The following SCAF1 variants were observed in gnomAD, a reference collection of about 807,000 sequenced individuals.
The protein encoded by SCAF1 is SR-related CTD associated factor 1, also known as splicing factor, arginine/serine-rich 19.
In SCAF1, 28 loss-of-function variants were observed where a neutral mutation model predicts 91.2. That is an observed-to-expected ratio of 0.31 (90% CI 0.23 to 0.42). The LOEUF is 0.42. SCAF1 is among the 10% of genes least tolerant of loss of function. The pLI, the probability that SCAF1 is intolerant of heterozygous loss-of-function variation, is 1.00. For missense variants in SCAF1, 1,893 were observed against 1,872.1 expected, an observed-to-expected ratio of 1.01 and a Z score of -0.21; for synonymous variants, 1,036 against 833.7, an observed-to-expected ratio of 1.24 and a Z score of -4.18.
chr19:49,653,276 TC>T lies in SCAF1; in HGVS notation c.2889del (p.Trp964GlyfsTer143), dbSNP rs1185435259. 6.8e-7 allele frequency: 1 copy of T among 1,472,308 alleles called. No homozygotes were observed. Among genetic ancestry groups the T allele is most frequent in the Non-Finnish European group, 9.0e-7 (1 of 1,110,046 alleles). 91.2% of individuals were successfully genotyped at this position (1,472,308 alleles called of 1,614,324 possible). The stretch of plus-strand genomic sequence containing the variant: ...AGGCACCAAGGGGGCGGAGGAGACT[TC>T]CTGGTCCGGGGAGGAGCGGGCAGCC... The part of the protein sequence containing the change: ...AAGTKGAEET[S>X]WSGEERAAKV... On this transcript the variant is annotated frameshift_variant, in exon 7 of 11. Coordinates refer to ENST00000360565, the MANE Select transcript of SCAF1 (RefSeq NM_021228.3). LOFTEE classifies it high-confidence loss of function.
chr19:49,656,111 T>C (rs1362208084), intron 9 of SCAF1, among the ~76,000 whole-genome samples: 1 of 152,240 alleles, frequency 6.6e-6, no homozygotes, highest in East Asian at 1.9e-4. Context: ...GGGCTGCAGT[T>C]TAGTCGGTCA....
At chr19:49,657,531 G>A (rs1255537082) in intron 9 of SCAF1, among the ~76,000 whole-genome samples, 1 of 152,226 alleles carries the variant, frequency 6.6e-6, no homozygotes, top group Admixed American at 6.5e-5. Flanking sequence ...GCAGCCCAGG[G>A]TTCGGCCTGG....
At chr19:49,655,725 C>T (rs897168633) in intron 9 of SCAF1, among the ~76,000 whole-genome samples, 2 of 152,126 alleles carry the variant, frequency 1.3e-5, no homozygotes, top group Admixed American at 6.5e-5. Flanking sequence ...CATGCAGTGG[C>T]ACAGTCACAG....
rs1171019013 is a variant in SCAF1, at chr19:49,654,407, G to A, written c.3375G>A (p.Gln1125=). 1 of 1,613,608 alleles carries A rather than the reference G, an allele frequency of 6.2e-7. No homozygotes were observed. The highest frequency in any genetic ancestry group is 8.5e-7 in the Non-Finnish European group (1 of 1,179,990). The change falls in exon 8 of 11, where the codon CAG becomes CAA. Residue 1125 remains glutamine (Q), a synonymous_variant. Coordinates refer to ENST00000360565, the MANE Select transcript of SCAF1 (RefSeq NM_021228.3). The part of the protein sequence containing the change: ...EANLASRAKA[Q]ELIQATNQIL... ...ACCTGGCGAGCCGAGCGAAGGCCCA[G>A]GAGCTGATCCAGGCCACCAACCAGG...
chr19:49,641,806 A>G (rs1351508935), upstream of SCAF1, among the ~76,000 whole-genome samples: 2 of 152,222 alleles, frequency 1.3e-5, no homozygotes, highest in African/African-American at 4.8e-5. Context: ...TGTGGGCAGC[A>G]CAACATCCAG....
Position 49,654,699 on chromosome 19 carries a change from T to C in SCAF1, c.3447T>C (p.Ala1149=). The C allele has an allele frequency of 1.2e-6, 2 of 1,614,026 alleles. No homozygotes were observed. The highest frequency in any genetic ancestry group is 1.1e-5 in the South Asian group (1 of 91,080). Residue 1149 remains alanine (A), a synonymous_variant, in exon 9 of 11, where the codon GCT becomes GCC. Transcript: ENST00000360565. ...KPPSSLGMTP[A]PVPTSLGLPP... ...CCTCAAGTCTGGGGATGACCCCAGC[T>C]CCTGTGCCCACCTCTTTGGGTCTGC...
In SCAF1 at chr19:49,650,973, C is replaced by T. The variant is rs2122479833; in HGVS notation, c.584C>T (p.Ser195Phe). ...APPPAPSSAS[S>F]SPSPSPSSSS... ...CCCCCTGCCCCCTCCTCTGCATCCT[C>T]CTCCCCTTCCCCTTCTCCCTCATCT... The change falls in exon 7 of 11, where the codon TCC becomes TTC. Residue 195 changes from serine to phenylalanine, a missense_variant. Physicochemically the swap from Ser to Phe is radical, Grantham distance 155. This residue lies in a region of SCAF1 where 270 missense variants were observed against 292.5 expected (regional missense o/e 0.92). Coordinates refer to ENST00000360565, the MANE Select transcript of SCAF1 (RefSeq NM_021228.3). The T allele has an allele frequency of 7.6e-7, 1 of 1,323,206 alleles. No individual in the cohort carries two copies. Among genetic ancestry groups the T allele is most frequent in the East Asian group, 2.6e-5 (1 of 38,314 alleles). 82.0% of individuals were successfully genotyped at this position (1,323,206 alleles called of 1,614,324 possible). A position where few individuals can be genotyped will look rare whatever the true frequency, so the allele number is the denominator to read the frequency against.
Position 49,646,750 on chromosome 19 carries a change from G to A in SCAF1, c.398G>A (p.Arg133Gln), listed in dbSNP as rs759490334. The change falls in exon 6 of 11, where the codon CGA becomes CAA. Residue 133 changes from arginine to glutamine, a missense_variant. Physicochemically the swap from Arg to Gln is conservative, Grantham distance 43. Around this residue, in one of 5 missense-constraint regions of SCAF1, gnomAD observed 270 missense variants for 292.5 expected, o/e 0.92. Transcript: ENST00000360565. This position sits in a 1 kb window ranked among gnomAD's most constrained non-coding sequence, Gnocchi z 5.6. ...EDMLELVAEVRIGDRDPIPLP... is the reference protein window; with the variant it reads ...EDMLELVAEVQIGDRDPIPLP... ...ATGCTGGAGCTGGTGGCTGAGGTCC[G>A]AATCGGGGACAGAGATCCCATCCCT... is the stretch of plus-strand genomic sequence containing the variant. 22 of 1,613,992 alleles carry A rather than the reference G, an allele frequency of 1.4e-5. No individual in the cohort carries two copies. The highest frequency in any genetic ancestry group is 1.3e-4 in the Admixed American group (8 of 60,010).
chr19:49,653,100 C>G lies in SCAF1; in HGVS notation c.2711C>G (p.Ala904Gly). The change falls in exon 7 of 11, where the codon GCC becomes GGC. Residue 904 changes from alanine to glycine, a missense_variant. Physicochemically the swap from Ala to Gly is moderately conservative, Grantham distance 60. Around this residue, in one of 5 missense-constraint regions of SCAF1, gnomAD observed 1,436 missense variants for 1,306.8 expected, o/e 1.10. Coordinates refer to ENST00000360565, the MANE Select transcript of SCAF1 (RefSeq NM_021228.3). The stretch of plus-strand genomic sequence containing the variant: ...AAGCCCAAAAAGACCAAGGTCAAGG[C>G]CAAGGCAGGGGCCAAGAAAACCAAG... ...STKPKKTKVK[A>G]KAGAKKTKGT... The G allele has an allele frequency of 6.2e-7, 1 of 1,612,614 alleles. No homozygotes were observed. Among genetic ancestry groups the G allele is most frequent in the Non-Finnish European group, 8.5e-7 (1 of 1,179,306 alleles).
rs534412213 is a variant in SCAF1 at position 49,654,332 on chromosome 19, C to T, written c.3317-17C>T. ...ACCTCTCCCATCTTCATGTTGTCAC[C>T]TCTCTGCCTCCTGCAGTGACTGCAC... On this transcript the variant is annotated splice_polypyrimidine_tract_variant and intron_variant, in intron 7 of 10. Transcript: ENST00000360565. The T allele has an allele frequency of 2.0e-5, 32 of 1,611,544 alleles. 1 individual carries two copies. The South Asian group carries it at 3.3e-4, about 17-fold the overall frequency.
In SCAF1 at chr19:49,653,088, C is replaced by CCAAGGT; in HGVS notation, c.2705_2710dup (p.Val902_Lys903dup). On this transcript the variant is annotated inframe_insertion, in exon 7 of 11. Coordinates refer to ENST00000360565, the MANE Select transcript of SCAF1 (RefSeq NM_021228.3). ...CCGGGCAGCACCAAGCCCAAAAAGA[C>CCAAGGT]CAAGGTCAAGGCCAAGGCAGGGGCC... is the stretch of plus-strand genomic sequence containing the variant. 2 of 1,613,246 alleles carry CCAAGGT rather than the reference C, an allele frequency of 1.2e-6. No homozygotes were observed. The highest frequency in any genetic ancestry group is 8.5e-7 in the Non-Finnish European group (1 of 1,179,608).
rs1360865861 is a variant in SCAF1, at chr19:49,652,128, C to CCACCCGCCG, written c.1740_1741insACCCGCCGC (p.Ser580_Arg581insThrArgArg). 5 of 1,119,410 alleles carry CCACCCGCCG rather than the reference C, an allele frequency of 4.5e-6. No homozygotes were observed. The African/African-American group carries it at 8.7e-5, about 20-fold the overall frequency. The allele number at this position is 1,119,410 out of a possible 1,614,324, so 69.3% of individuals were successfully genotyped here. ...CGCCGCTCCCGCTCCCGCTCCCGCT[C>CCACCCGCCG]CCGCTCCACCCGCCGCCGCTCGCGC... On this transcript the variant is annotated inframe_insertion, in exon 7 of 11. Transcript: ENST00000360565.
At position 49,645,912 on chromosome 19, in the gene SCAF1, G is replaced by A. The variant is rs551323101; in HGVS notation, c.167-196G>A. Among the ~76,000 whole-genome samples the A allele has an allele frequency of 2.0e-5, 3 of 152,254 alleles. No homozygotes were observed. In the South Asian group the frequency reaches 6.2e-4, roughly 32 times the overall value. On this transcript the variant is annotated intron_variant, in intron 3 of 10. Transcript: ENST00000360565. This position sits in a 1 kb window ranked among gnomAD's most constrained non-coding sequence, Gnocchi z 4.6. ...TTGAGGTGTCTGAGGGCAGACAGGA[G>A]GACGAATGGCTGAGCGTCGCAGCCT...
intron 7 of SCAF1, among the ~76,000 whole-genome samples, chr19:49,654,112 C>T (rs1056804502): frequency 1.3e-5 from 2 of 152,200 alleles, no homozygotes; most frequent in Non-Finnish European, 1.5e-5. Flanking sequence ...GCCACTGTCT[C>T]ATCACTGCAT....
Position 49,646,551 on chromosome 19 carries a change from T to C in SCAF1, c.287T>C (p.Phe96Ser), listed in dbSNP as rs1242371246. 1.9e-6 allele frequency: 3 copies of C among 1,614,046 alleles called. No individual in the cohort carries two copies. Among genetic ancestry groups the C allele is most frequent in the South Asian group, 1.1e-5 (1 of 91,076 alleles). Reference sequence around the variant, plus strand: ...GTGTTGGACATGGCCACGGACAGCTTCCTCGCAGGGCTGGTGAGTGTCCTG... The same window carrying C: ...GTGTTGGACATGGCCACGGACAGCTCCCTCGCAGGGCTGGTGAGTGTCCTG... ...ATVLDMATDS[F>S]LAGLVSVLDP... Residue 96 changes from phenylalanine to serine, a missense_variant, in exon 5 of 11, where the codon TTC (phenylalanine) becomes TCC (serine). Physicochemically the swap from Phe to Ser is radical, Grantham distance 155. This residue lies in a region of SCAF1 where 270 missense variants were observed against 292.5 expected (regional missense o/e 0.92). Transcript: ENST00000360565. This position sits in a 1 kb window ranked among gnomAD's most constrained non-coding sequence, Gnocchi z 5.6.
chr19:49,644,989 T>G, intron 1 of SCAF1, 32 bp from the exon 2 acceptor site: 1 of 1,524,228 alleles, frequency 6.6e-7, no homozygotes, highest in Non-Finnish European at 9.1e-7. Context: ...TCCCGGGACC[T>G]CCACTCCAAA....
intron 6 of SCAF1, among the ~76,000 whole-genome samples, chr19:49,648,855 C>T (rs1254917081): frequency 1.3e-5 from 2 of 151,718 alleles, no homozygotes; most frequent in African/African-American, 4.8e-5. Flanking sequence ...CCTCTAGTCC[C>T]AGCTACTCGG....
In SCAF1 at chr19:49,652,609, G is replaced by A. The variant is rs545504854; in HGVS notation, c.2220G>A (p.Glu740=). 17 of 1,562,814 alleles carry A rather than the reference G, an allele frequency of 1.1e-5. No homozygotes were observed. The highest frequency in any genetic ancestry group is 1.3e-5 in the Non-Finnish European group (15 of 1,153,706). ...ACGACTCCGAGGGACTGAGCGGCGA[G>A]GAGCGGGGCGGCAAGAGCAGCCAGA... ...VLYDSEGLSG[E]ERGGKSSQKD... The change falls in exon 7 of 11, where the codon GAG becomes GAA. Residue 740 remains glutamate, a synonymous_variant. Coordinates refer to ENST00000360565, the MANE Select transcript of SCAF1 (RefSeq NM_021228.3).
intron 9 of SCAF1, among the ~76,000 whole-genome samples, 176 bp from the exon 10 acceptor site, chr19:49,657,585 G>A (rs935009869): frequency 1.3e-5 from 2 of 152,344 alleles, no homozygotes; most frequent in East Asian, 3.9e-4. Flanking sequence ...CTGGCCTTTG[G>A]TCCCGGGCAC....
Sources: allele counts gnomAD v4.1 joint callset (sites outside exome capture counted in the v4.1 genomes callset), GRCh38; gene constraint gnomAD v4.1.1; regional missense constraint gnomAD v4.1.1; non-coding constraint Gnocchi (gnomAD v3.1); transcripts MANE v1.5; gene names NCBI Gene and HGNC (gene_info 2026-07-23, HGNC 2026-07-21).